Variants in DMD observed in about 807,000 individuals in gnomAD.
The protein encoded by DMD is mutant dystrophin.
In DMD, 63 loss-of-function variants were observed where a neutral mutation model predicts 330.1. The observed-to-expected ratio is 0.19, with a 90% confidence interval of 0.16 to 0.24. The LOEUF (loss-of-function observed/expected upper bound fraction) is 0.24. DMD is among the 10% of genes least tolerant of loss of function. The probability of loss-of-function intolerance (pLI) is 1.00; values close to 1 mark genes in which losing one functional copy is unlikely to be tolerated. For missense variants in DMD, 3,344 were observed against 2,684.1 expected, an observed-to-expected ratio of 1.25 and a Z score of -5.43; for synonymous variants, 1,223 against 959.8, an observed-to-expected ratio of 1.27 and a Z score of -5.07.
At chrX:31,799,675 C>T (rs2091975397) in intron 50 of DMD, among the ~76,000 whole-genome samples, 1 of 111,741 alleles carries the variant, frequency 8.9e-6, no homozygotes, top group African/African-American at 3.3e-5. Flanking sequence ...AGTCTTAACT[C>T]ATTCCAACAT....
At chrX:32,893,144 G>A (rs373361627) in intron 2 of DMD, among the ~76,000 whole-genome samples, 4 of 112,068 alleles carry the variant, frequency 3.6e-5, no homozygotes, top group African/African-American at 6.5e-5. Flanking sequence ...TACACTGATC[G>A]TAGTTTTCTA....
intron 9 of DMD, among the ~76,000 whole-genome samples, chrX:32,672,115 C>CA (rs1405137275): frequency 9.0e-6 from 1 of 111,375 alleles, no homozygotes; most frequent in Non-Finnish European, 1.9e-5. Context: ...AACAGGTACT[C>CA]AATAAACTTT....
intron 2 of DMD, among the ~76,000 whole-genome samples, chrX:32,982,024 T>A (rs1308321800): frequency 2.7e-5 from 3 of 111,781 alleles, no homozygotes; most frequent in Non-Finnish European, 3.8e-5. Context: ...CATTCTCTAA[T>A]TAAAGTATTA....
At chrX:32,402,807 G>C (rs2098093859) in intron 30 of DMD, among the ~76,000 whole-genome samples, 1 of 111,566 alleles carries the variant, frequency 9.0e-6, no homozygotes, top group South Asian at 3.7e-4. Flanking sequence ...ATACTATTAA[G>C]TTCCATTGGA....
At chrX:32,590,994 TC>T (rs1449104326) in intron 13 of DMD, among the ~76,000 whole-genome samples, 1 of 111,525 alleles carries the variant, frequency 9.0e-6, no homozygotes, top group Non-Finnish European at 1.9e-5. Context: ...ATACACTCTG[TC>T]TTTATCCATT....
At chrX:32,659,159 T>C (rs1449590745) in intron 9 of DMD, among the ~76,000 whole-genome samples, 2 of 112,118 alleles carry the variant, frequency 1.8e-5, no homozygotes, top group Non-Finnish European at 3.8e-5. Context: ...TTCTACTAAA[T>C]TGACACATCT....
intron 44 of DMD, among the ~76,000 whole-genome samples, chrX:31,979,508 G>T (rs1376229214): frequency 2.7e-5 from 3 of 112,063 alleles, no homozygotes; most frequent in African/African-American, 9.7e-5. Context: ...ACTGGTATGT[G>T]GTGAAACTGC....
At chrX:32,610,932 T>C (rs2057120088) in intron 12 of DMD, among the ~76,000 whole-genome samples, 1 of 111,301 alleles carries the variant, frequency 9.0e-6, no homozygotes, top group Non-Finnish European at 1.9e-5. Flanking sequence ...GGCTTTAGTT[T>C]GAACTCAGTT....
intron 45 of DMD, among the ~76,000 whole-genome samples, chrX:31,952,864 T>G (rs1197482064): frequency 8.9e-6 from 1 of 112,258 alleles, no homozygotes; most frequent in African/African-American, 3.2e-5. Flanking sequence ...AAATTGAAGT[T>G]TTAATAACTT....
intron 2 of DMD, among the ~76,000 whole-genome samples, chrX:32,882,854 C>G (rs1485103539): frequency 8.9e-6 from 1 of 112,113 alleles, no homozygotes; most frequent in Non-Finnish European, 1.9e-5. Context: ...TTAAATACTG[C>G]GTAGTCACCT....
intron 1 of DMD, among the ~76,000 whole-genome samples, chrX:33,238,461 T>G (rs1002280392): frequency 4.5e-5 from 5 of 111,701 alleles, no homozygotes; most frequent in Admixed American, 2.9e-4. Context: ...TTGCATATCT[T>G]GTGGATTCCT....
chrX:32,340,565 G>C (rs2097736504), intron 41 of DMD, among the ~76,000 whole-genome samples: 1 of 111,531 alleles, frequency 9.0e-6, no homozygotes, highest in Non-Finnish European at 1.9e-5. Context: ...TGATTAGTTT[G>C]TAACGAATTT....
intron 1 of DMD, among the ~76,000 whole-genome samples, chrX:33,089,832 C>T (rs1040857786): frequency 1.8e-5 from 2 of 110,935 alleles, no homozygotes; most frequent in African/African-American, 6.6e-5. Flanking sequence ...AGAAGCCTCT[C>T]GGGAGAAAAA....
At chrX:32,861,763 GAGCCTGTTGATGTAGTCCACAGACATC>G (rs1454134737) in intron 2 of DMD, among the ~76,000 whole-genome samples, 3 of 111,604 alleles carry the variant, frequency 2.7e-5, no homozygotes, top group African/African-American at 9.8e-5. Flanking sequence ...GAGGGCAAAG[GAGCCTGTTGATGTAGTCCACAGACATC>G]AGCCTCCCAA....
In DMD at chrX:32,617,138, G is replaced by A. The variant is rs764895328; in HGVS notation, c.1332-2685C>T. 8.2e-5 allele frequency among the ~76,000 whole-genome samples: 9 copies of A among 110,402 alleles called. No homozygotes were observed. In the East Asian group the frequency reaches 2.3e-3, roughly 28 times the overall value. ...AACTGAGTTCACCCAATACAATGCG[G>A]GGCAAGTAGTACTACATTAGAAAAC... is the stretch of plus-strand genomic sequence containing the variant. On this transcript the variant is annotated intron_variant, in intron 11 of 78. Transcript: ENST00000357033.
intron 19 of DMD, among the ~76,000 whole-genome samples, chrX:32,494,618 A>C (rs1166257957): frequency 9.0e-6 from 1 of 111,476 alleles, no homozygotes; most frequent in African/African-American, 3.3e-5. Flanking sequence ...CTTACTTATA[A>C]CAAATGCTGA....
intron 43 of DMD, among the ~76,000 whole-genome samples, chrX:32,242,241 G>A (rs1484319270): frequency 9.0e-6 from 1 of 110,968 alleles, no homozygotes; most frequent in Non-Finnish European, 1.9e-5. Flanking sequence ...AGATCTGCAG[G>A]CCTAGTAACA....
At chrX:32,169,606 G>A (rs1478227638) in intron 44 of DMD, among the ~76,000 whole-genome samples, 2 of 111,737 alleles carry the variant, frequency 1.8e-5, no homozygotes, top group East Asian at 2.8e-4. Flanking sequence ...AATTGATAAA[G>A]AAATGCTGAA....
chrX:32,565,335 T>A (rs764725243), intron 16 of DMD, among the ~76,000 whole-genome samples: 133 of 112,066 alleles, frequency 1.2e-3, no homozygotes, highest in Non-Finnish European at 1.8e-3. Context: ...CTAAGTTTCA[T>A]TTTTCTCAAG....
Sources: allele counts gnomAD v4.1 joint callset (sites outside exome capture counted in the v4.1 genomes callset), GRCh38; gene constraint gnomAD v4.1.1; transcripts MANE v1.5; gene names NCBI Gene and HGNC (gene_info 2026-07-23, HGNC 2026-07-21).